The following SYNPO2 variants were observed in gnomAD, a reference collection of about 807,000 sequenced individuals.
The protein encoded by SYNPO2 is synaptopodin 2, also known as synaptopodin-2.
SYNPO2 carries 56 observed loss-of-function variants against 85.0 expected under a neutral mutation model. That is an observed-to-expected ratio of 0.66 (90% CI 0.53 to 0.82). The LOEUF (loss-of-function observed/expected upper bound fraction) is 0.82, where lower values mean the gene tolerates loss of function less well. Among genes scored for constraint, SYNPO2 ranks in the 40% least tolerant of loss-of-function variants. The pLI is 0.00. For synonymous variants in SYNPO2, 602 were observed against 591.1 expected (o/e 1.02, Z -0.27); for missense variants, 1,575 against 1,534.2 (o/e 1.03, Z -0.44).
Position 119,027,030 on chromosome 4 carries a change from G to A in SYNPO2, c.661G>A (p.Ala221Thr). ...TGGCCCTTTAGTGGCTCTCCCGGGA[G>A]CTGAAAAATCTAAGTCTCCTGACCC... ...ASGPLVALPG[A>T]EKSKSPDPDP... is the part of the protein sequence containing the mutation. Residue 221 changes from alanine (A) to threonine (T), a missense_variant, in exon 3 of 5, where the codon GCT (alanine) becomes ACT (threonine). Transcript: ENST00000307142. 2.5e-6 allele frequency: 4 copies of A among 1,614,132 alleles called. No individual in the cohort carries two copies. The highest frequency in any genetic ancestry group is 1.1e-5 in the South Asian group (1 of 91,072).
chr4:118,950,788 A>T (rs1305148369), intron 1 of SYNPO2, among the ~76,000 whole-genome samples: 1 of 152,218 alleles, frequency 6.6e-6, no homozygotes, highest in Non-Finnish European at 1.5e-5. Context: ...AATACAGAAA[A>T]TAATATTGTT....
At chr4:118,969,157 G>A (rs1228532903) in intron 1 of SYNPO2, among the ~76,000 whole-genome samples, 5 of 152,114 alleles carry the variant, frequency 3.3e-5, no homozygotes, top group Non-Finnish European at 7.4e-5. Context: ...TCTGTCTCTG[G>A]TGGGTTACCA....
At chr4:118,958,490 C>G (rs921415462) in intron 1 of SYNPO2, among the ~76,000 whole-genome samples, 5 of 152,044 alleles carry the variant, frequency 3.3e-5, no homozygotes, top group African/African-American at 1.2e-4. Flanking sequence ...ACAAGCAGGT[C>G]TTGGTCTTAA....
chr4:118,851,003 T>G (rs1055178222), intron 1 of SYNPO2: 17 of 398,506 alleles, frequency 4.3e-5, no homozygotes, highest in Middle Eastern at 1.2e-3. Context: ...AACTCATTAC[T>G]CATTATTGCC....
chr4:118,978,806 C>T (rs969993082), intron 1 of SYNPO2, among the ~76,000 whole-genome samples: 3 of 107,082 alleles, frequency 2.8e-5, no homozygotes, highest in Non-Finnish European at 6.8e-5. Flanking sequence ...CACACACACA[C>T]ACACACACAC....
In SYNPO2 at chr4:119,030,108, G is replaced by A; in HGVS notation, c.1333G>A (p.Val445Met). The A allele has an allele frequency of 1.2e-6, 2 of 1,614,152 alleles. No individual in the cohort carries two copies. The highest frequency in any genetic ancestry group is 1.1e-5 in the South Asian group (1 of 91,074). The change falls in exon 4 of 5, where the codon GTG becomes ATG. Residue 445 changes from valine to methionine, a missense_variant. This residue lies in a region of SYNPO2 where 1,508 missense variants were observed against 1,446.8 expected (regional missense o/e 1.04). Transcript: ENST00000307142. ...ATTTCTTGGTGCAAGCGAATCAGAG[G>A]TGGATGAAGAGTTATTGTCTGACGT... ...VAFLGASESE[V>M]DEELLSDVDD...
At chr4:118,910,285 A>T (rs1432909855) in intron 1 of SYNPO2, among the ~76,000 whole-genome samples, 1 of 152,216 alleles carries the variant, frequency 6.6e-6, no homozygotes, top group Non-Finnish European at 1.5e-5. Flanking sequence ...TCAGGGGAGA[A>T]TGAAGGGAGA....
chr4:118,852,478 AT>A (rs1731437207), intron 1 of SYNPO2, among the ~76,000 whole-genome samples: 1 of 152,258 alleles, frequency 6.6e-6, no homozygotes, highest in Non-Finnish European at 1.5e-5. Flanking sequence ...CTAAATGCCC[AT>A]CAGTGACAGA....
chr4:118,940,370 A>G (rs2149137266), intron 1 of SYNPO2, among the ~76,000 whole-genome samples: 1 of 151,930 alleles, frequency 6.6e-6, no homozygotes, highest in Non-Finnish European at 1.5e-5. Context: ...TCTCCCCTCT[A>G]ATTTTCTATT....
rs569699949 is a variant in SYNPO2 at position 119,027,228 on chromosome 4, A to C, written c.859A>C (p.Ile287Leu). Residue 287 changes from isoleucine (I) to leucine (L), a missense_variant, in exon 3 of 5, where the codon ATC (isoleucine) becomes CTC (leucine). Coordinates refer to ENST00000307142, the MANE Select transcript of SYNPO2 (RefSeq NM_133477.3). Reference sequence around the variant, plus strand: ...TGCGGGACTGCCCCGGGTGGAAGTGATCCTCGACTGCTCTGACAGGCAGAA... The same window carrying C: ...TGCGGGACTGCCCCGGGTGGAAGTGCTCCTCGACTGCTCTGACAGGCAGAA... ...GDAGLPRVEV[I>L]LDCSDRQKTE... 2.0e-5 allele frequency: 32 copies of C among 1,614,118 alleles called. No homozygotes were observed. The South Asian group carries it at 3.4e-4, about 17-fold the overall frequency.
chr4:118,940,581 G>C (rs1734272682), intron 1 of SYNPO2, among the ~76,000 whole-genome samples: 1 of 151,960 alleles, frequency 6.6e-6, no homozygotes, highest in South Asian at 2.1e-4. Flanking sequence ...TGAGAAAACT[G>C]GTCCCTGCCA....
intron 1 of SYNPO2, among the ~76,000 whole-genome samples, chr4:118,938,551 A>C (rs1000000983): frequency 1.3e-5 from 2 of 152,122 alleles, no homozygotes; most frequent in African/African-American, 4.8e-5. Context: ...CTATTTCTTG[A>C]ATAATTCTAA....
chr4:118,885,241 C>T (rs531616616), upstream of SYNPO2, among the ~76,000 whole-genome samples: 84 of 152,206 alleles, frequency 5.5e-4, no homozygotes, highest in African/African-American at 1.9e-3. Flanking sequence ...GGACTTTATC[C>T]GGGAGCCCTT....
At chr4:119,027,891 G>GAA (rs11388060) in intron 3 of SYNPO2, among the ~76,000 whole-genome samples, 3 of 151,678 alleles carry the variant, frequency 2.0e-5, no homozygotes, top group Non-Finnish European at 2.9e-5. Flanking sequence ...TCCTTGTTTT[G>GAA]AAAAAAAATC....
At chr4:118,967,309 C>T (rs916752557) in intron 1 of SYNPO2, among the ~76,000 whole-genome samples, 2 of 152,138 alleles carry the variant, frequency 1.3e-5, no homozygotes, top group Non-Finnish European at 2.9e-5. Context: ...ATATGATTTT[C>T]GTCGAGCCAC....
At chr4:119,036,498 T>G in intron 4 of SYNPO2, 1 of 985,430 alleles carries the variant, frequency 1.0e-6, no homozygotes, top group Non-Finnish European at 1.2e-6. Context: ...TCTCTAGATG[T>G]CCTACCAGGG....
chr4:118,920,026 C>T (rs1217396797), intron 1 of SYNPO2, among the ~76,000 whole-genome samples: 1 of 152,050 alleles, frequency 6.6e-6, no homozygotes, highest in Admixed American at 6.6e-5. Flanking sequence ...GCTGGGAGAG[C>T]AGTTATAAAA....
At chr4:118,968,082 G>GGAA (rs1433656869) in intron 1 of SYNPO2, among the ~76,000 whole-genome samples, 1 of 152,142 alleles carries the variant, frequency 6.6e-6, no homozygotes, top group East Asian at 1.9e-4. Flanking sequence ...GTTTGGCCTT[G>GGAA]GAAGAATTTG....
upstream of SYNPO2, among the ~76,000 whole-genome samples, chr4:118,885,622 A>G (rs970324319): frequency 1.3e-5 from 2 of 151,978 alleles, no homozygotes; most frequent in Non-Finnish European, 2.9e-5. Context: ...ACAGGTGTGC[A>G]CCACCACGCC....
Sources: gnomAD v4.1 joint callset for allele counts (sites outside exome capture counted in the v4.1 genomes callset) on GRCh38, gnomAD v4.1.1 for gene constraint, gnomAD v4.1.1 regional missense constraint, MANE v1.5 for transcripts, NCBI Gene and HGNC (gene_info 2026-07-23, HGNC 2026-07-21) for gene names.